ADCY7: variants seen among roughly 807,000 people sequenced by gnomAD.
The protein encoded by ADCY7 is adenylate cyclase 7.
Under a neutral mutation model 120.6 loss-of-function variants are expected in ADCY7, and 72 were observed. That is an observed-to-expected ratio of 0.60 (90% confidence interval 0.49 to 0.73). The LOEUF is 0.73. Among genes scored for constraint, ADCY7 ranks in the 30% least tolerant of loss-of-function variants. The probability of loss-of-function intolerance (pLI) is 0.00; values close to 1 mark genes in which losing one functional copy is unlikely to be tolerated. For synonymous variants in ADCY7, 661 were observed against 628.0 expected (o/e 1.05, Z -0.78); for missense variants, 1,227 against 1,486.0 (o/e 0.83, Z 2.87).
In ADCY7 at chr16:50,291,650, G is replaced by T. The variant is rs942869688; in HGVS notation, c.376-86G>T. The T allele has an allele frequency of 2.3e-5, 36 of 1,534,466 alleles. No homozygotes were observed. In the Middle Eastern group the frequency reaches 7.5e-4, roughly 32 times the overall value. ...GAGCCAACCTAAGGATACGCACTGG[G>T]TGGGCTGCTGTGGTGCAGGGTTCCG... On this transcript the variant is annotated intron_variant, in intron 3 of 25. Coordinates refer to ENST00000673801, the MANE Select transcript of ADCY7 (RefSeq NM_001114.5).
chr16:50,258,931 C>A (rs181833218), intron 1 of ADCY7, among the ~76,000 whole-genome samples: 10 of 152,256 alleles, frequency 6.6e-5, no homozygotes, highest in Admixed American at 5.9e-4. Flanking sequence ...TAAAAACCTT[C>A]CGTATTCACC....
At chr16:50,250,476 A>AAAAAC (rs1567525186) in intron 1 of ADCY7, among the ~76,000 whole-genome samples, 1 of 150,394 alleles carries the variant, frequency 6.6e-6, no homozygotes, top group Non-Finnish European at 1.5e-5. Flanking sequence ...AAAAAAAAAA[A>AAAAAC]AAACCTAAAA....
intron 6 of ADCY7, 121 bp downstream of exon 6, chr16:50,293,623 G>A: frequency 7.8e-7 from 1 of 1,277,804 alleles, no homozygotes; most frequent in Non-Finnish European, 1.1e-6. Flanking sequence ...GGGATTGGGA[G>A]AGGGCCCCAT....
chr16:50,260,749 C>T (rs374893837), intron 1 of ADCY7, among the ~76,000 whole-genome samples: 28 of 152,216 alleles, frequency 1.8e-4, no homozygotes, highest in Non-Finnish European at 1.6e-4. Flanking sequence ...TGGCTGCTGG[C>T]GGGAGGCCTC....
chr16:50,289,344 CT>C, intron 2 of ADCY7: 1 of 445,448 alleles, frequency 2.2e-6, no homozygotes, highest in South Asian at 1.6e-5. Context: ...CCTCAGAATC[CT>C]TTTTAACACA....
chr16:50,307,569 C>G (rs1480296243), intron 15 of ADCY7, among the ~76,000 whole-genome samples: 1 of 151,746 alleles, frequency 6.6e-6, no homozygotes, highest in Admixed American at 6.6e-5. Flanking sequence ...GCTCTAGGGC[C>G]CTGCTGGTGG....
chr16:50,301,058 C>T, intron 9 of ADCY7, 24 bp from the exon 10 acceptor site: 2 of 1,610,786 alleles, frequency 1.2e-6, no homozygotes, highest in South Asian at 1.1e-5. Context: ...CCCCAAGGCT[C>T]TGCCTGACTT....
intron 1 of ADCY7, among the ~76,000 whole-genome samples, chr16:50,254,678 C>T (rs1330906460): frequency 1.3e-5 from 2 of 152,170 alleles, no homozygotes; most frequent in African/African-American, 4.8e-5. Flanking sequence ...GAATTAATAT[C>T]GTGCAAATGT....
chr16:50,271,050 C>G (rs991682356), intron 1 of ADCY7, among the ~76,000 whole-genome samples: 2 of 152,242 alleles, frequency 1.3e-5, no homozygotes, highest in African/African-American at 4.8e-5. Flanking sequence ...ATTGCCCAAC[C>G]CTGAGTGCAG....
Position 50,302,785 on chromosome 16 carries a change from G to A in ADCY7, c.1368+1571G>A, listed in dbSNP as rs74017346. Among the ~76,000 whole-genome samples the A allele has an allele frequency of 6.7e-3, 1,019 of 152,262 alleles. 12 individuals carry two copies. Among genetic ancestry groups the A allele is most frequent in the African/African-American group, 0.023 (957 of 41,544 alleles). On this transcript the variant is annotated intron_variant, in intron 10 of 25. Transcript: ENST00000673801. ...CCCTTCTTGCTAAGGTGGCAGTGGCGGGCCCCATGGTCGCGCACCCTGCAT... is the reference window on the plus strand; with the variant it reads ...CCCTTCTTGCTAAGGTGGCAGTGGCAGGCCCCATGGTCGCGCACCCTGCAT...
intron 1 of ADCY7, among the ~76,000 whole-genome samples, chr16:50,251,483 G>A (rs3915617): frequency 0.33 from 50,852 of 152,134 alleles, 8,941 homozygotes; most frequent in East Asian, 0.5. Context: ...GCCCAGAGAG[G>A]TGAAGTGGCT....
At position 50,292,823 on chromosome 16, in the gene ADCY7, C is replaced by T; in HGVS notation, c.685C>T (p.Gln229Ter). The change falls in exon 5 of 26, where the codon CAG becomes TAG. Residue 229 changes from glutamine to a stop codon, truncating the protein, a stop_gained and splice_region_variant. Transcript: ENST00000673801. LOFTEE classifies it high-confidence loss of function. ...RRKLRIEKRQ[Q>*]ENLLLSVLPA... Reference sequence around the variant, plus strand: ...GAAGCTGCGCATCGAGAAGCGCCAGCAGGTGGGACCCGGCCCCCACTCCTC... The same window carrying T: ...GAAGCTGCGCATCGAGAAGCGCCAGTAGGTGGGACCCGGCCCCCACTCCTC... The T allele has an allele frequency of 6.2e-7, 1 of 1,613,054 alleles. No homozygotes were observed. Among genetic ancestry groups the T allele is most frequent in the Middle Eastern group, 1.7e-4 (1 of 6,058 alleles).
At position 50,311,696 on chromosome 16, in the gene ADCY7, C is replaced by T; in HGVS notation, c.2358C>T (p.Gly786=). ...NLTKPNGTTS[G]TPSCSWKDLK... ...TTGGGCCTCCCTTCGCATTCAGTGG[C>T]ACCCCTAGCTGTTCCTGGAAGGACC... The change falls in exon 20 of 26, where the codon GGC becomes GGT. Residue 786 remains glycine (G), a synonymous_variant. Coordinates refer to ENST00000673801, the MANE Select transcript of ADCY7 (RefSeq NM_001114.5). 6.2e-7 allele frequency: 1 copy of T among 1,612,534 alleles called. No individual in the cohort carries two copies. The highest frequency in any genetic ancestry group is 1.3e-5 in the African/African-American group (1 of 74,876).
At chr16:50,298,793 C>G in intron 7 of ADCY7, 111 bp from the exon 8 acceptor site, 2 of 1,461,810 alleles carry the variant, frequency 1.4e-6, no homozygotes, top group African/African-American at 2.8e-5. Context: ...AGGAGGCAAG[C>G]CCCCAGCCAG....
chr16:50,284,044 G>A (rs1316141485), intron 1 of ADCY7, among the ~76,000 whole-genome samples: 4 of 152,156 alleles, frequency 2.6e-5, no homozygotes, highest in Non-Finnish European at 4.4e-5. Context: ...CAACTGAGTC[G>A]AGGGCTGGTG....
upstream of ADCY7, among the ~76,000 whole-genome samples, chr16:50,262,759 T>C (rs1354852674): frequency 2.0e-5 from 3 of 152,078 alleles, no homozygotes; most frequent in Non-Finnish European, 4.4e-5. Flanking sequence ...AGGATGGGGG[T>C]TGCTGAGAGG....
chr16:50,294,195 C>T (rs142663833), intron 6 of ADCY7, among the ~76,000 whole-genome samples: 26 of 152,238 alleles, frequency 1.7e-4, no homozygotes, highest in South Asian at 6.2e-4. Flanking sequence ...ATCTGTAGAA[C>T]GGGAGTTCGG....
chr16:50,292,560 T>A, intron 4 of ADCY7, 116 bp from the exon 5 acceptor site: 2 of 1,297,672 alleles, frequency 1.5e-6, no homozygotes, highest in Non-Finnish European at 2.1e-6. Flanking sequence ...CCATTCTCAG[T>A]GGGTTGAAGG....
chr16:50,261,706 C>T (rs2033062515), upstream of ADCY7, among the ~76,000 whole-genome samples: 1 of 152,006 alleles, frequency 6.6e-6, no homozygotes. Flanking sequence ...CACCAGGGTC[C>T]CCTAGCTCCG....
Sources: gnomAD v4.1 joint callset for allele counts (sites outside exome capture counted in the v4.1 genomes callset) on GRCh38, gnomAD v4.1.1 for gene constraint, MANE v1.5 for transcripts, NCBI Gene and HGNC (gene_info 2026-07-23, HGNC 2026-07-21) for gene names.